The following RGS5 variants were observed in gnomAD, a reference collection of about 807,000 sequenced individuals.
RGS5 encodes regulator of G-protein signalling 5.
RGS5 carries 20 observed loss-of-function variants against 18.9 expected under a neutral mutation model. That is an observed-to-expected ratio of 1.06 (90% confidence interval 0.74 to 1.54). RGS5 has a LOEUF of 1.54. Among genes scored for constraint, RGS5 ranks in the 40% most tolerant of loss-of-function variants. The pLI is 0.00. For synonymous variants in RGS5, 57 were observed against 76.2 expected (o/e 0.75, Z 1.31); for missense variants, 201 against 211.8 (o/e 0.95, Z 0.32).
rs549267234 is a variant in RGS5, at chr1:163,254,923, G to C, written c.-281+51310C>G. On this transcript the variant is annotated intron_variant, in intron 2 of 5. Coordinates refer to the RGS5 transcript ENST00000618415. ...ATAGGGAATCCTTTCCCCATTGCTT[G>C]TTTTTCTCAGGTTTGTCAAAGATCA... Among the ~76,000 whole-genome samples the C allele has an allele frequency of 1.8e-4, 28 of 151,654 alleles. 1 individual carries two copies. Among genetic ancestry groups the C allele is most frequent in the Non-Finnish European group, 3.8e-4 (26 of 67,884 alleles).
chr1:163,200,835 C>T (rs1032230435), intron 1 of RGS5, among the ~76,000 whole-genome samples: 1 of 152,098 alleles, frequency 6.6e-6, no homozygotes, highest in Non-Finnish European at 1.5e-5. Flanking sequence ...TTAGTTATAT[C>T]CTGGTGCATA....
intron 2 of RGS5, among the ~76,000 whole-genome samples, chr1:163,293,598 C>A (rs950933771): frequency 2.6e-5 from 4 of 152,124 alleles, no homozygotes; most frequent in Admixed American, 2.0e-4. Context: ...TGGCCCCTCC[C>A]AAATCTCATG....
intron 2 of RGS5, among the ~76,000 whole-genome samples, chr1:163,224,832 T>A (rs1467998670): frequency 6.6e-6 from 1 of 152,270 alleles, no homozygotes; most frequent in Non-Finnish European, 1.5e-5. Flanking sequence ...GCCATTTATA[T>A]GTCTTCTTTT....
At chr1:163,288,106 C>T (rs10494386) in intron 2 of RGS5, among the ~76,000 whole-genome samples, 63,160 of 151,574 alleles carry the variant, frequency 0.42, 13,628 homozygotes, top group South Asian at 0.5. Context: ...ACAGTTTTTA[C>T]AAGGCCTTTC....
chr1:163,166,152 A>G (rs999197823), intron 2 of RGS5, among the ~76,000 whole-genome samples: 6 of 152,096 alleles, frequency 3.9e-5, no homozygotes, highest in Non-Finnish European at 7.4e-5. Context: ...TCAGCATGGA[A>G]CATGGGTACC....
chr1:163,190,155 A>G (rs1262297664), intron 1 of RGS5, among the ~76,000 whole-genome samples: 1 of 152,142 alleles, frequency 6.6e-6, no homozygotes, highest in Non-Finnish European at 1.5e-5. Flanking sequence ...AAGATTGCTC[A>G]AGCCCAAGCA....
intron 1 of RGS5, among the ~76,000 whole-genome samples, chr1:163,171,575 C>T (rs1658300443): frequency 6.6e-6 from 1 of 152,016 alleles, no homozygotes; most frequent in South Asian, 2.1e-4. Context: ...AATTTAGTTC[C>T]TTTTTTTTCT....
rs1042387054 is a variant in RGS5 at position 163,253,646 on chromosome 1, T to G, written c.-281+52587A>C. 2.0e-4 allele frequency among the ~76,000 whole-genome samples: 30 copies of G among 151,166 alleles called. No homozygotes were observed. In the East Asian group the frequency reaches 5.2e-3, roughly 26 times the overall value. On this transcript the variant is annotated intron_variant, in intron 2 of 5. Coordinates refer to the RGS5 transcript ENST00000618415. The stretch of plus-strand genomic sequence containing the variant: ...TCTTTTTATTTATTTATTTATTTAT[T>G]TTTTAATTTTATTATTATTATACTT...
intron 2 of RGS5, among the ~76,000 whole-genome samples, chr1:163,287,730 T>A (rs1488055153): frequency 2.0e-5 from 3 of 152,210 alleles, no homozygotes; most frequent in Non-Finnish European, 4.4e-5. Context: ...AGAATATTCA[T>A]TCAACCTATT....
chr1:163,262,151 C>CTT (rs532698783), intron 2 of RGS5, among the ~76,000 whole-genome samples: 21,553 of 120,452 alleles, frequency 0.18, 2,340 homozygotes, highest in Non-Finnish European at 0.24. Context: ...AGTTTTGAAA[C>CTT]TTTTTTTTTT....
intron 1 of RGS5, among the ~76,000 whole-genome samples, chr1:163,174,152 G>C (rs1658434202): frequency 6.6e-6 from 1 of 152,266 alleles, no homozygotes; most frequent in Non-Finnish European, 1.5e-5. Context: ...TGCAATGGGA[G>C]ATATTATATA....
chr1:163,284,914 T>C (rs1431101975), intron 2 of RGS5, among the ~76,000 whole-genome samples: 1 of 152,112 alleles, frequency 6.6e-6, no homozygotes, highest in Non-Finnish European at 1.5e-5. Flanking sequence ...TACCCAAGAC[T>C]GGGTAATTTA....
intron 2 of RGS5, among the ~76,000 whole-genome samples, chr1:163,243,664 A>C (rs1037219569): frequency 6.6e-6 from 1 of 151,160 alleles, no homozygotes; most frequent in Non-Finnish European, 1.5e-5. Flanking sequence ...AAAAAAAAAA[A>C]ACCTAGATGA....
chr1:163,187,470 C>A (rs529710068), intron 1 of RGS5, among the ~76,000 whole-genome samples: 2 of 152,160 alleles, frequency 1.3e-5, no homozygotes, highest in African/African-American at 4.8e-5. Context: ...TCTTTCCAGC[C>A]TTCCTTTCAC....
rs551930611 is a variant in RGS5 at position 163,269,870 on chromosome 1, G to A, written c.-281+36363C>T. ...ATCTCTTTCCCTCAATAAATTGAAT[G>A]AATGAACCATTTATTTTGACATTAT... On this transcript the variant is annotated intron_variant, in intron 2 of 5. Coordinates refer to the RGS5 transcript ENST00000618415. 7.9e-5 allele frequency among the ~76,000 whole-genome samples: 12 copies of A among 152,288 alleles called. No homozygotes were observed. The South Asian group carries it at 2.3e-3, about 29-fold the overall frequency.
intron 1 of RGS5, among the ~76,000 whole-genome samples, chr1:163,312,356 C>T (rs747039363): frequency 7.2e-5 from 11 of 151,984 alleles, no homozygotes; most frequent in Admixed American, 3.3e-4. Context: ...AGTGTGAGAA[C>T]GGACTAATAC....
chr1:163,218,343 G>A (rs907616356), upstream of RGS5, among the ~76,000 whole-genome samples: 2 of 152,044 alleles, frequency 1.3e-5, no homozygotes, highest in East Asian at 3.9e-4. Context: ...GTCACCAATA[G>A]AATTCACAGA....
intron 2 of RGS5, among the ~76,000 whole-genome samples, chr1:163,245,954 G>A (rs1053145492): frequency 6.6e-6 from 1 of 152,204 alleles, no homozygotes; most frequent in Admixed American, 6.5e-5. Flanking sequence ...TGTGGCTCAC[G>A]CCTGTAATCC....
chr1:163,182,507 C>T (rs1460476788), intron 1 of RGS5, among the ~76,000 whole-genome samples: 1 of 152,190 alleles, frequency 6.6e-6, no homozygotes, highest in Non-Finnish European at 1.5e-5. Context: ...TGGGCTGTCT[C>T]TGACATGCTA....
Sources: allele counts gnomAD v4.1 joint callset (sites outside exome capture counted in the v4.1 genomes callset), GRCh38; gene constraint gnomAD v4.1.1; transcripts MANE v1.5; gene names NCBI Gene and HGNC (gene_info 2026-07-23, HGNC 2026-07-21).